Variants in GALNTL6 observed in about 807,000 individuals in gnomAD.
GALNTL6 encodes polypeptide N-acetylgalactosaminyltransferase-like 6.
GALNTL6 carries 46 observed loss-of-function variants against 73.7 expected under a neutral mutation model. That is an observed-to-expected ratio of 0.62 (90% CI 0.49 to 0.80). GALNTL6 has a LOEUF of 0.80. Among genes scored for constraint, GALNTL6 ranks in the 30% least tolerant of loss-of-function variants. The pLI, the probability that GALNTL6 is intolerant of heterozygous loss-of-function variation, is 0.00. For synonymous variants in GALNTL6, 259 were observed against 263.7 expected (o/e 0.98, Z 0.17); for missense variants, 604 against 755.0 (o/e 0.80, Z 2.34).
At position 171,836,930 on chromosome 4, in the gene GALNTL6, T is replaced by C. The variant is rs1310302833; in HGVS notation, c.138+22212T>C. 2.0e-5 allele frequency among the ~76,000 whole-genome samples: 3 copies of C among 152,100 alleles called. No homozygotes were observed. In the East Asian group the frequency reaches 5.8e-4, roughly 29 times the overall value. On this transcript the variant is annotated intron_variant, in intron 2 of 12. Coordinates refer to ENST00000506823, the MANE Select transcript of GALNTL6 (RefSeq NM_001034845.3). ...AGGTATTAGAATGGAATTGGAGAAA[T>C]CAATGTGCATTCATGTTTTGTAATA...
intron 10 of GALNTL6, among the ~76,000 whole-genome samples, chr4:172,966,944 A>G (rs964580354): frequency 3.3e-5 from 5 of 152,192 alleles, no homozygotes; most frequent in Non-Finnish European, 7.4e-5. Flanking sequence ...AGCAACCTCA[A>G]GGTCATCGGT....
chr4:172,598,565 C>A lies in GALNTL6; in HGVS notation c.554-210796C>A, dbSNP rs557213003. Among the ~76,000 whole-genome samples, 4 of 152,094 alleles carry A rather than the reference C, an allele frequency of 2.6e-5. No individual in the cohort carries two copies. In the South Asian group the frequency reaches 8.3e-4, roughly 32 times the overall value. On this transcript the variant is annotated intron_variant, in intron 5 of 12. Coordinates refer to ENST00000506823, the MANE Select transcript of GALNTL6 (RefSeq NM_001034845.3). ...AGAAAGGAGCAATTAACAAATAAAC[C>A]CTCTCCCTCCCACCCCTCATTCATG...
At chr4:172,105,450 T>C (rs924700699) in intron 2 of GALNTL6, among the ~76,000 whole-genome samples, 8 of 151,774 alleles carry the variant, frequency 5.3e-5, no homozygotes, top group African/African-American at 1.9e-4. Flanking sequence ...AACATAAAGT[T>C]TTTTTTTAAT....
chr4:171,846,825 T>C (rs779897249), intron 2 of GALNTL6, among the ~76,000 whole-genome samples: 1 of 147,648 alleles, frequency 6.8e-6, no homozygotes, highest in Non-Finnish European at 1.5e-5. Flanking sequence ...GATGTATCTA[T>C]CTATAGATAC....
intron 2 of GALNTL6, among the ~76,000 whole-genome samples, chr4:172,045,159 T>C (rs1742183355): frequency 6.6e-6 from 1 of 152,096 alleles, no homozygotes; most frequent in South Asian, 2.1e-4. Flanking sequence ...GATTAGAATA[T>C]GCTTGAAACA....
chr4:172,206,779 TTTG>T (rs1486435589), intron 2 of GALNTL6, among the ~76,000 whole-genome samples: 1 of 81,592 alleles, frequency 1.2e-5, no homozygotes, highest in Non-Finnish European at 2.8e-5. Context: ...AAACGTGTTT[TTTG>T]TTTTGTTTTG....
At chr4:172,169,247 C>G (rs571289944) in intron 2 of GALNTL6, among the ~76,000 whole-genome samples, 1 of 152,138 alleles carries the variant, frequency 6.6e-6, no homozygotes, top group East Asian at 1.9e-4. Flanking sequence ...CCCAGTCTAA[C>G]GTTAGCTGGA....
intron 2 of GALNTL6, among the ~76,000 whole-genome samples, chr4:171,985,369 A>G (rs1740036992): frequency 6.6e-6 from 1 of 152,174 alleles, no homozygotes; most frequent in Non-Finnish European, 1.5e-5. Flanking sequence ...ACTCAGCACC[A>G]TGAGTACACT....
chr4:172,155,029 G>A (rs541190423), intron 2 of GALNTL6, among the ~76,000 whole-genome samples: 2 of 149,096 alleles, frequency 1.3e-5, no homozygotes, highest in South Asian at 2.1e-4. Flanking sequence ...ACGTAGTCTC[G>A]CTCTGTTGTC....
At chr4:171,826,235 T>A (rs1734821170) in intron 2 of GALNTL6, among the ~76,000 whole-genome samples, 1 of 152,150 alleles carries the variant, frequency 6.6e-6, no homozygotes, top group South Asian at 2.1e-4. Flanking sequence ...TCTTTCACTG[T>A]GAGTATAGGA....
At chr4:172,330,590 C>T (rs969717673) in intron 4 of GALNTL6, among the ~76,000 whole-genome samples, 3 of 152,212 alleles carry the variant, frequency 2.0e-5, no homozygotes, top group African/African-American at 4.8e-5. Context: ...AGCTTCTAGT[C>T]AGCCATCTTG....
rs572488148 is a variant in GALNTL6 at position 172,977,165 on chromosome 4, G to C, written c.1371+24907G>C. On this transcript the variant is annotated intron_variant, in intron 10 of 12. Transcript: ENST00000506823. ...CATGGAATCAGAACACAGACGAAGA[G>C]GCTGTTTCACATTATCAGGGAGGCC... Among the ~76,000 whole-genome samples, 13 of 152,318 alleles carry C rather than the reference G, an allele frequency of 8.5e-5. No homozygotes were observed. The South Asian group carries it at 2.7e-3, about 32-fold the overall frequency.
chr4:171,982,264 C>T (rs17057824), intron 2 of GALNTL6, among the ~76,000 whole-genome samples: 72,773 of 151,866 alleles, frequency 0.48, 18,565 homozygotes, highest in Admixed American at 0.6. Flanking sequence ...AAGTGACTAT[C>T]ATTCACCTAA....
chr4:172,809,313 C>A lies in GALNTL6; in HGVS notation c.554-48C>A. The A allele has an allele frequency of 6.9e-7, 1 of 1,450,998 alleles. No homozygotes were observed. The highest frequency in any genetic ancestry group is 9.6e-7 in the Non-Finnish European group (1 of 1,037,822). 89.9% of individuals were successfully genotyped at this position (1,450,998 alleles called of 1,614,324 possible). ...CAAACAACCGTGAATAATTCAGCTG[C>A]AACTAATGTTTTGCGTTTTTTCTAT... is the stretch of plus-strand genomic sequence containing the variant. On this transcript the variant is annotated intron_variant, in intron 5 of 12. Coordinates refer to ENST00000506823, the MANE Select transcript of GALNTL6 (RefSeq NM_001034845.3). The surrounding 1 kb of genome is among the most constrained non-coding windows in gnomAD (Gnocchi z 4.4).
intron 2 of GALNTL6, among the ~76,000 whole-genome samples, chr4:171,932,820 T>C (rs1471045309): frequency 2.0e-5 from 3 of 152,190 alleles, no homozygotes; most frequent in African/African-American, 7.2e-5. Context: ...ATGTCCAGAA[T>C]AGATGAATAA....
At chr4:172,560,855 A>G (rs377027943) in intron 5 of GALNTL6, among the ~76,000 whole-genome samples, 15 of 152,224 alleles carry the variant, frequency 9.9e-5, no homozygotes, top group Non-Finnish European at 1.5e-5. Flanking sequence ...GGTCCTGCAT[A>G]TGCTCCTCAT....
intron 2 of GALNTL6, among the ~76,000 whole-genome samples, chr4:171,886,987 T>C (rs1000863701): frequency 1.3e-5 from 2 of 152,168 alleles, no homozygotes; most frequent in Non-Finnish European, 2.9e-5. Flanking sequence ...TTAGTCTCTT[T>C]TGTGCTGCTG....
intron 5 of GALNTL6, among the ~76,000 whole-genome samples, chr4:172,552,837 T>TAAAAAAA (rs397933315): frequency 0.067 from 5,340 of 80,254 alleles, 504 homozygotes; most frequent in East Asian, 0.11. Context: ...GTAATTGCAG[T>TAAAAAAA]AAAAAAAAAA....
At chr4:172,608,682 ATTGT>A (rs1738402688) in intron 5 of GALNTL6, among the ~76,000 whole-genome samples, 3 of 151,936 alleles carry the variant, frequency 2.0e-5, no homozygotes, top group Admixed American at 6.6e-5. Flanking sequence ...GAAAAATGTC[ATTGT>A]TTGTTTGATA....
Sources: gnomAD v4.1 joint callset for allele counts (sites outside exome capture counted in the v4.1 genomes callset) on GRCh38, gnomAD v4.1.1 for gene constraint, Gnocchi (gnomAD v3.1) non-coding constraint, MANE v1.5 for transcripts, NCBI Gene and HGNC (gene_info 2026-07-23, HGNC 2026-07-21) for gene names.